Variants in IHO1 observed in about 807,000 individuals in gnomAD.
IHO1 encodes interactor of HORMAD1 1, also known as interactor of HORMAD1 protein 1.
Under a neutral mutation model 31.0 loss-of-function variants are expected in IHO1, and 13 were observed. That is an observed-to-expected ratio of 0.42 (90% CI 0.27 to 0.67). The LOEUF (loss-of-function observed/expected upper bound fraction) is 0.67, where lower values mean the gene tolerates loss of function less well. Ranked by LOEUF, IHO1 falls within the 30% of genes least tolerant of loss-of-function variation. The pLI is 0.24. For synonymous variants in IHO1, 221 were observed against 248.4 expected, an observed-to-expected ratio of 0.89 and a Z score of 1.04; for missense variants, 599 against 687.5, an observed-to-expected ratio of 0.87 and a Z score of 1.44.
chr3:49,206,901 A>G (rs2107681872), intron 1 of IHO1, among the ~76,000 whole-genome samples: 1 of 152,080 alleles, frequency 6.6e-6, no homozygotes, highest in East Asian at 2.0e-4. Context: ...TACAAAAATT[A>G]GCTAGGTGTG....
At chr3:49,218,485 G>A (rs1157417071) in intron 2 of IHO1, among the ~76,000 whole-genome samples, 2 of 146,546 alleles carry the variant, frequency 1.4e-5, no homozygotes, top group African/African-American at 5.0e-5. Flanking sequence ...GGGTTCTAGT[G>A]ATTCTCTTGC....
intron 3 of IHO1, among the ~76,000 whole-genome samples, chr3:49,240,075 G>A (rs4955441): frequency 4.6e-5 from 7 of 151,546 alleles, no homozygotes; most frequent in Admixed American, 3.3e-4. Flanking sequence ...AGACAGAGTC[G>A]CACTCTGTCA....
At chr3:49,206,428 C>A (rs1481142325) in intron 1 of IHO1, among the ~76,000 whole-genome samples, 2 of 151,828 alleles carry the variant, frequency 1.3e-5, no homozygotes, top group African/African-American at 2.4e-5. Flanking sequence ...TGGGGTTTCA[C>A]CATGTTGGCC....
intron 2 of IHO1, among the ~76,000 whole-genome samples, chr3:49,224,088 G>A (rs1244934902): frequency 1.3e-5 from 2 of 152,140 alleles, no homozygotes; most frequent in African/African-American, 4.8e-5. Context: ...AAAGTTTGGT[G>A]GAGCGTTTTA....
chr3:49,237,149 A>G (rs1575581401), intron 3 of IHO1, among the ~76,000 whole-genome samples: 2 of 152,006 alleles, frequency 1.3e-5, no homozygotes, highest in South Asian at 4.1e-4. Flanking sequence ...GGAGTTCAAG[A>G]CCAGCCTGGC....
At chr3:49,241,113 T>C (rs1425337138) in intron 3 of IHO1, 113 bp from the exon 4 acceptor site, 5 of 643,960 alleles carry the variant, frequency 7.8e-6, no homozygotes, top group African/African-American at 3.8e-5. Context: ...CTTGCTATGT[T>C]ACGTTACAGC....
rs749511413 is a variant in IHO1 at position 49,241,205 on chromosome 3, T to C, written c.232-21T>C. 5.1e-6 allele frequency: 8 copies of C among 1,569,946 alleles called. No homozygotes were observed. The African/African-American group carries it at 5.5e-5, about 11-fold the overall frequency. On this transcript the variant is annotated intron_variant, in intron 3 of 7. Transcript: ENST00000452691. The stretch of plus-strand genomic sequence containing the variant: ...AAATATTTTTATGTGTGAAATGCTA[T>C]ATATTTTTTTCATTTAACAGGGTGA...
At chr3:49,220,839 G>T (rs576316013) in intron 2 of IHO1, among the ~76,000 whole-genome samples, 2 of 152,320 alleles carry the variant, frequency 1.3e-5, no homozygotes, top group South Asian at 4.1e-4. Context: ...CTGTACTCCA[G>T]CCTGGGCGAC....
chr3:49,239,676 T>C (rs1206001345), intron 3 of IHO1, among the ~76,000 whole-genome samples: 1 of 151,682 alleles, frequency 6.6e-6, no homozygotes, highest in Non-Finnish European at 1.5e-5. Context: ...TTTTTTTTTT[T>C]TTTGAGACGG....
At chr3:49,223,156 T>C (rs2046374592) in intron 2 of IHO1, among the ~76,000 whole-genome samples, 1 of 152,228 alleles carries the variant, frequency 6.6e-6, no homozygotes, top group Non-Finnish European at 1.5e-5. Flanking sequence ...TAAAAGGTTG[T>C]CCATACAGCA....
chr3:49,219,916 G>C (rs576924341), intron 2 of IHO1, among the ~76,000 whole-genome samples: 1 of 152,326 alleles, frequency 6.6e-6, no homozygotes, highest in Non-Finnish European at 1.5e-5. Context: ...TTGCTTGCCA[G>C]CTAAAGCTAA....
intron 2 of IHO1, among the ~76,000 whole-genome samples, chr3:49,216,368 A>G (rs2046286642): frequency 6.6e-6 from 1 of 152,222 alleles, no homozygotes; most frequent in Non-Finnish European, 1.5e-5. Flanking sequence ...CGAGGCAGGC[A>G]TATTGCTTGA....
At chr3:49,202,706 C>T (rs974565872) in intron 1 of IHO1, among the ~76,000 whole-genome samples, 2 of 149,618 alleles carry the variant, frequency 1.3e-5, no homozygotes, top group African/African-American at 2.5e-5. Flanking sequence ...GATAGAGTCT[C>T]GCTCTCTCAC....
chr3:49,231,542 G>A (rs2046482059), intron 2 of IHO1, among the ~76,000 whole-genome samples: 1 of 152,174 alleles, frequency 6.6e-6, no homozygotes, highest in Non-Finnish European at 1.5e-5. Context: ...GCCTATTAAT[G>A]TGATTTTGGA....
chr3:49,218,098 G>A (rs760155967), intron 2 of IHO1, among the ~76,000 whole-genome samples: 3 of 152,058 alleles, frequency 2.0e-5, no homozygotes, highest in African/African-American at 4.8e-5. Context: ...CACACTCTCC[G>A]CCCTGCTGTC....
chr3:49,202,851 A>ATTTTTTTTT lies in IHO1; in HGVS notation c.-16+3292_-16+3300dup, dbSNP rs71077774. 1.0e-3 allele frequency among the ~76,000 whole-genome samples: 91 copies of ATTTTTTTTT among 90,114 alleles called. 1 individual carries two copies. The highest frequency in any genetic ancestry group is 1.2e-3 in the Non-Finnish European group (58 of 47,038). The allele number at this position is 90,114 out of a possible 152,430, so 59.1% of individuals were successfully genotyped here. On this transcript the variant is annotated intron_variant, in intron 1 of 7. Coordinates refer to ENST00000452691, the MANE Select transcript of IHO1 (RefSeq NM_001135197.2). ...CTACCACGTCCAGCTAATTTTTTGT[A>ATTTTTTTTT]TTTTTTTTTTTTTTTTTTTTTTGAG...
chr3:49,211,261 G>GATCCT (rs1216214006), intron 1 of IHO1, among the ~76,000 whole-genome samples: 2 of 151,948 alleles, frequency 1.3e-5, no homozygotes, highest in Non-Finnish European at 2.9e-5. Flanking sequence ...GCCCTCCTCG[G>GATCCT]CCTCCCAAAG....
chr3:49,233,080 A>G (rs2046502711), intron 2 of IHO1, among the ~76,000 whole-genome samples: 1 of 152,156 alleles, frequency 6.6e-6, no homozygotes, highest in African/African-American at 2.4e-5. Flanking sequence ...GTGCTGCGTA[A>G]CGATTCCTGT....
intron 2 of IHO1, among the ~76,000 whole-genome samples, chr3:49,217,889 A>G (rs2046308597): frequency 6.6e-6 from 1 of 152,232 alleles, no homozygotes; most frequent in African/African-American, 2.4e-5. Context: ...CAGAGCTCAG[A>G]TGGTAATAGA....
Sources: allele counts gnomAD v4.1 joint callset (sites outside exome capture counted in the v4.1 genomes callset), GRCh38; gene constraint gnomAD v4.1.1; transcripts MANE v1.5; gene names NCBI Gene and HGNC (gene_info 2026-07-23, HGNC 2026-07-21).